PDZD2: variants seen among roughly 807,000 people sequenced by gnomAD.
PDZD2 encodes the protein PDZ domain-containing protein 2.
A neutral mutation model predicts 220.7 loss-of-function variants in PDZD2; 90 were observed. The observed-to-expected ratio is 0.41, with a 90% confidence interval of 0.34 to 0.49. The LOEUF (loss-of-function observed/expected upper bound fraction) is 0.49. Ranked by LOEUF, PDZD2 falls within the 20% of genes least tolerant of loss-of-function variation. The pLI, the probability that PDZD2 is intolerant of heterozygous loss-of-function variation, is 0.28. For synonymous variants in PDZD2, 1,375 were observed against 1,450.5 expected, an observed-to-expected ratio of 0.95 and a Z score of 1.18; for missense variants, 3,174 against 3,608.5, an observed-to-expected ratio of 0.88 and a Z score of 3.08.
chr5:31,723,583 G>A (rs1161283896), intron 1 of PDZD2, among the ~76,000 whole-genome samples: 1 of 151,920 alleles, frequency 6.6e-6, no homozygotes, highest in African/African-American at 2.4e-5. Flanking sequence ...TGAGAGTGTT[G>A]TCTTTCAACT....
In PDZD2 at chr5:32,107,966, T is replaced by C. The variant is rs2111766266; in HGVS notation, c.8354-3T>C. On this transcript the variant is annotated splice_region_variant and splice_polypyrimidine_tract_variant and intron_variant, in intron 24 of 24. Coordinates refer to ENST00000438447, the MANE Select transcript of PDZD2 (RefSeq NM_178140.4). Reference sequence around the variant, plus strand: ...ATTAATTATTCTGTGTTTATTCTCGTAGGTGGTGCGGCTGAACAAGCTGGA... The same window carrying C: ...ATTAATTATTCTGTGTTTATTCTCGCAGGTGGTGCGGCTGAACAAGCTGGA... The C allele has an allele frequency of 2.5e-6, 4 of 1,609,610 alleles. No individual in the cohort carries two copies. The highest frequency in any genetic ancestry group is 3.4e-6 in the Non-Finnish European group (4 of 1,176,538).
At chr5:31,783,065 T>C (rs1459065752) in intron 1 of PDZD2, among the ~76,000 whole-genome samples, 3 of 152,304 alleles carry the variant, frequency 2.0e-5, no homozygotes, top group South Asian at 2.1e-4. Context: ...TTAAAGTTGG[T>C]TTAAACTTTA....
intron 1 of PDZD2, among the ~76,000 whole-genome samples, chr5:31,720,244 A>G (rs774900996): frequency 1.7e-4 from 26 of 152,264 alleles, no homozygotes; most frequent in Admixed American, 5.9e-4. Context: ...AGTTTCTGGC[A>G]TCTGCCTTAA....
intron 1 of PDZD2, among the ~76,000 whole-genome samples, chr5:31,686,531 A>AT (rs1053671807): frequency 6.6e-6 from 1 of 151,446 alleles, no homozygotes; most frequent in African/African-American, 2.4e-5. Flanking sequence ...ACCTGGCTGA[A>AT]TTTTTTTGTA....
chr5:32,108,060 T>G lies in PDZD2; in HGVS notation c.8445T>G (p.Asp2815Glu). 6.2e-7 allele frequency: 1 copy of G among 1,610,994 alleles called. No homozygotes were observed. The highest frequency in any genetic ancestry group is 8.5e-7 in the Non-Finnish European group (1 of 1,177,110). The change falls in exon 25 of 25, where the codon GAT becomes GAG. Residue 2815 changes from aspartate (D) to glutamate (E), a missense_variant. Physicochemically the swap from Asp to Glu is conservative, Grantham distance 45. Coordinates refer to ENST00000438447, the MANE Select transcript of PDZD2 (RefSeq NM_178140.4). ...GKPLVGLMHF[D>E]AWNIMKSVPE... ...CTCTGGTTGGGCTCATGCACTTTGATGCCTGGAATATTATGAAGTCTGTCC... is the reference window on the plus strand; with the variant it reads ...CTCTGGTTGGGCTCATGCACTTTGAGGCCTGGAATATTATGAAGTCTGTCC...
intron 1 of PDZD2, among the ~76,000 whole-genome samples, chr5:31,683,687 C>T (rs1314542902): frequency 1.3e-5 from 2 of 152,134 alleles, no homozygotes; most frequent in South Asian, 4.1e-4. Context: ...GTCTTATGGA[C>T]GTTTGATAAT....
At chr5:31,856,811 T>A (rs981835367) in intron 2 of PDZD2, among the ~76,000 whole-genome samples, 1 of 152,024 alleles carries the variant, frequency 6.6e-6, no homozygotes, top group African/African-American at 2.4e-5. Context: ...GGCCAAGTGC[T>A]TGTTGCTCTG....
intron 14 of PDZD2, among the ~76,000 whole-genome samples, chr5:32,065,672 A>T (rs954873175): frequency 6.6e-6 from 1 of 152,214 alleles, no homozygotes; most frequent in Admixed American, 6.5e-5. Context: ...TTTTCTTCAG[A>T]TTGTGTTCCC....
intron 6 of PDZD2, among the ~76,000 whole-genome samples, chr5:32,026,366 G>A (rs546150597): frequency 6.6e-6 from 1 of 152,152 alleles, no homozygotes; most frequent in African/African-American, 2.4e-5. Context: ...TGAACTCCTG[G>A]GCTCAAAGCA....
At chr5:31,751,242 CAAAAA>C (rs545923936) in intron 1 of PDZD2, among the ~76,000 whole-genome samples, 1 of 131,586 alleles carries the variant, frequency 7.6e-6, no homozygotes, top group East Asian at 2.3e-4. Flanking sequence ...AGTACATCTC[CAAAAA>C]AAAAAAAAAA....
At chr5:31,952,016 T>G (rs561344475) in intron 2 of PDZD2, among the ~76,000 whole-genome samples, 1 of 152,240 alleles carries the variant, frequency 6.6e-6, no homozygotes, top group South Asian at 2.1e-4. Context: ...TGAAACAGGT[T>G]TAAACCTTTT....
rs575630407 is a variant in PDZD2, at chr5:32,007,748, T to TG, written c.1255-2581dup. ...TGTGGAAATGGCCAACGCAAAGGACTGAGAGAACAGGTAGCTCTTCTTGCT... is the reference window on the plus strand; with the variant it reads ...TGTGGAAATGGCCAACGCAAAGGACTGGAGAGAACAGGTAGCTCTTCTTGCT... On this transcript the variant is annotated intron_variant, in intron 5 of 24. Coordinates refer to ENST00000438447, the MANE Select transcript of PDZD2 (RefSeq NM_178140.4). 2.8e-3 allele frequency among the ~76,000 whole-genome samples: 421 copies of TG among 152,366 alleles called. 2 individuals carry two copies. The highest frequency in any genetic ancestry group is 4.6e-3 in the Non-Finnish European group (314 of 68,036).
intron 19 of PDZD2, among the ~76,000 whole-genome samples, chr5:32,086,832 A>G (rs1348947322): frequency 7.3e-6 from 1 of 136,620 alleles, no homozygotes; most frequent in Non-Finnish European, 1.5e-5. Flanking sequence ...GCCCACCCCC[A>G]TGCCCAGCTA....
At chr5:32,097,232 T>G in intron 21 of PDZD2, 47 bp from the exon 22 acceptor site, 1 of 1,237,108 alleles carries the variant, frequency 8.1e-7, no homozygotes, top group Non-Finnish European at 1.2e-6. Flanking sequence ...CTTTCTTAAT[T>G]TTTTGCAGCT....
chr5:31,862,186 A>G (rs1233812463), intron 2 of PDZD2, among the ~76,000 whole-genome samples: 1 of 136,316 alleles, frequency 7.3e-6, no homozygotes, highest in Non-Finnish European at 1.5e-5. Flanking sequence ...GCTCACCCCA[A>G]CATCCACCCC....
chr5:31,854,288 G>A (rs1281459608), intron 2 of PDZD2, among the ~76,000 whole-genome samples: 5 of 152,208 alleles, frequency 3.3e-5, no homozygotes. Flanking sequence ...GCAGGGCCCA[G>A]GCCCACTCAG....
Position 32,100,899 on chromosome 5 carries a change from C to T in PDZD2, c.8219-206C>T, listed in dbSNP as rs370714357. On this transcript the variant is annotated intron_variant, in intron 23 of 24. Coordinates refer to ENST00000438447, the MANE Select transcript of PDZD2 (RefSeq NM_178140.4). The stretch of plus-strand genomic sequence containing the variant: ...AAAGGATGCAAGTACAGCAGCAACA[C>T]AGCCAGGAGGGCAGCCCCAGAATTG... 1.3e-5 allele frequency: 20 copies of T among 1,588,098 alleles called. No individual in the cohort carries two copies. The African/African-American group carries it at 1.9e-4, about 15-fold the overall frequency.
chr5:31,982,693 C>T (rs75967155), intron 2 of PDZD2, among the ~76,000 whole-genome samples: 6,548 of 152,266 alleles, frequency 0.043, 188 homozygotes, highest in Non-Finnish European at 0.06. Context: ...ATTATTTGCT[C>T]CTAAGAGCAG....
chr5:31,858,293 C>T (rs190851533), intron 2 of PDZD2, among the ~76,000 whole-genome samples: 29 of 151,678 alleles, frequency 1.9e-4, no homozygotes, highest in Admixed American at 1.8e-3. Flanking sequence ...CAAAAAAATT[C>T]CTTCCTTCTC....
Sources: allele counts gnomAD v4.1 joint callset (sites outside exome capture counted in the v4.1 genomes callset), GRCh38; gene constraint gnomAD v4.1.1; transcripts MANE v1.5; gene names NCBI Gene and HGNC (gene_info 2026-07-23, HGNC 2026-07-21).